The following PTPRM variants were observed in gnomAD, a reference collection of about 807,000 sequenced individuals.
The protein encoded by PTPRM is protein tyrosine phosphatase receptor type M, also known as receptor-type tyrosine-protein phosphatase mu.
Under a neutral mutation model 186.7 loss-of-function variants are expected in PTPRM, and 47 were observed. The observed-to-expected ratio is 0.25, with a 90% CI of 0.20 to 0.32. The LOEUF is 0.32. PTPRM is among the 10% of genes least tolerant of loss of function. The pLI is 1.00. For synonymous variants in PTPRM, 668 were observed against 674.9 expected (o/e 0.99, Z 0.16); for missense variants, 1,494 against 1,865.0 (o/e 0.80, Z 3.66).
intron 23 of PTPRM, among the ~76,000 whole-genome samples, chr18:8,351,126 G>C (rs2095531998): frequency 6.6e-6 from 1 of 152,060 alleles, no homozygotes; most frequent in African/African-American, 2.4e-5. Flanking sequence ...GCTTAACCAG[G>C]GCCCTTCATT....
intron 5 of PTPRM, among the ~76,000 whole-genome samples, chr18:7,927,917 C>A (rs1041707246): frequency 3.3e-5 from 5 of 151,826 alleles, no homozygotes; most frequent in Admixed American, 3.3e-4. Flanking sequence ...ATTATTTTGT[C>A]ATTTTTATAG....
At chr18:7,973,008 A>G (rs1407206252) in intron 7 of PTPRM, among the ~76,000 whole-genome samples, 1 of 152,122 alleles carries the variant, frequency 6.6e-6, no homozygotes, top group Non-Finnish European at 1.5e-5. Flanking sequence ...ACAGCTCTCT[A>G]GTTGTTAGAG....
intron 14 of PTPRM, among the ~76,000 whole-genome samples, chr18:8,203,071 T>A (rs553236467): frequency 6.6e-6 from 1 of 152,354 alleles, no homozygotes; most frequent in South Asian, 2.1e-4. Flanking sequence ...CAAACTGAAT[T>A]ATATTTGTGC....
rs1379518391 is a variant in PTPRM, at chr18:8,319,214, G to T, written c.2956G>T (p.Gly986Trp). 4 of 1,558,474 alleles carry T rather than the reference G, an allele frequency of 2.6e-6. No individual in the cohort carries two copies. The highest frequency in any genetic ancestry group is 3.5e-6 in the Non-Finnish European group (4 of 1,133,942). ...ACCCAATCATTACATTGCTACCCAAGGTAAGTTTATTTCTACTTTGTTGTC... is the reference window on the plus strand; with the variant it reads ...ACCCAATCATTACATTGCTACCCAATGTAAGTTTATTTCTACTTTGTTGTC... ...HRPNHYIATQ[G>W]PMQETIYDFW... is the part of the protein sequence containing the mutation. Residue 986 changes from glycine to tryptophan, a missense_variant and splice_region_variant, in exon 22 of 33, where the codon GGG becomes TGG. Physicochemically the swap from Gly to Trp is radical, Grantham distance 184 (BLOSUM62 -2). This residue lies in a region of PTPRM where 1,107 missense variants were observed against 1,350.2 expected (regional missense o/e 0.82). Coordinates refer to ENST00000580170, the MANE Select transcript of PTPRM (RefSeq NM_001105244.2).
intron 1 of PTPRM, among the ~76,000 whole-genome samples, chr18:7,694,481 C>T (rs547387635): frequency 4.0e-5 from 6 of 148,160 alleles, no homozygotes; most frequent in South Asian, 2.1e-4. Context: ...GGCTGGACTG[C>T]GGTAGTGCGG....
intron 20 of PTPRM, among the ~76,000 whole-genome samples, chr18:8,300,241 C>T (rs1374979889): frequency 1.3e-5 from 2 of 152,072 alleles, no homozygotes; most frequent in Non-Finnish European, 2.9e-5. Flanking sequence ...AGGAAAAGAC[C>T]TCTCAGGCAA....
At chr18:8,252,612 T>C in intron 18 of PTPRM, 113 bp downstream of exon 18, 1 of 1,060,636 alleles carries the variant, frequency 9.4e-7, no homozygotes, top group Non-Finnish European at 1.5e-6. Flanking sequence ...CCTGCATGTT[T>C]GCCTTTGTAG....
At chr18:8,360,906 T>C (rs1308186794) in intron 23 of PTPRM, 1 of 152,218 alleles carries the variant, frequency 6.6e-6, no homozygotes, top group Non-Finnish European at 1.5e-5. Context: ...TCTGATGTTG[T>C]AGAGTAGAGA....
intron 1 of PTPRM, among the ~76,000 whole-genome samples, chr18:7,746,291 T>A (rs1324462053): frequency 6.6e-6 from 1 of 152,038 alleles, no homozygotes; most frequent in Non-Finnish European, 1.5e-5. Flanking sequence ...AGATTTTCAG[T>A]TGATTTCTCA....
intron 7 of PTPRM, among the ~76,000 whole-genome samples, chr18:8,046,509 G>A (rs1600239944): frequency 2.6e-5 from 4 of 152,054 alleles, no homozygotes; most frequent in Admixed American, 6.6e-5. Flanking sequence ...GCACTGTTGC[G>A]TTGATGTTTT....
intron 23 of PTPRM, among the ~76,000 whole-genome samples, chr18:8,362,298 A>G (rs1598437693): frequency 6.6e-6 from 1 of 152,184 alleles, no homozygotes; most frequent in Non-Finnish European, 1.5e-5. Flanking sequence ...AGAGAGCCCC[A>G]TGGTGGTGGC....
chr18:8,276,483 G>A (rs1403870421), intron 19 of PTPRM, among the ~76,000 whole-genome samples: 1 of 152,176 alleles, frequency 6.6e-6, no homozygotes, highest in Non-Finnish European at 1.5e-5. Context: ...CTTCCTCGTG[G>A]TGGTGGGAAG....
At chr18:7,637,554 C>A (rs1165454642) in intron 1 of PTPRM, among the ~76,000 whole-genome samples, 2 of 152,216 alleles carry the variant, frequency 1.3e-5, no homozygotes, top group Non-Finnish European at 2.9e-5. Context: ...GTGTGCCAGG[C>A]AGTGTCTAGT....
intron 7 of PTPRM, among the ~76,000 whole-genome samples, chr18:7,997,636 T>C (rs1233190891): frequency 6.6e-6 from 1 of 152,084 alleles, no homozygotes; most frequent in African/African-American, 2.4e-5. Context: ...ATTGGATAAG[T>C]AGGGATTAAT....
chr18:7,915,676 A>C (rs890391612), intron 4 of PTPRM, among the ~76,000 whole-genome samples: 2 of 152,222 alleles, frequency 1.3e-5, no homozygotes, highest in Non-Finnish European at 2.9e-5. Flanking sequence ...TTTACAAATA[A>C]AAAAATTTTG....
intron 13 of PTPRM, chr18:8,122,137 T>G (rs2092197841): frequency 6.6e-6 from 1 of 152,568 alleles, no homozygotes; most frequent in African/African-American, 2.4e-5. Context: ...AGAACAAAGT[T>G]GAGACAATTT....
At chr18:7,592,537 C>T (rs1488987164) in intron 1 of PTPRM, among the ~76,000 whole-genome samples, 1 of 152,226 alleles carries the variant, frequency 6.6e-6, no homozygotes, top group Admixed American at 6.5e-5. Context: ...AAAATCACTC[C>T]TGTCTCCTGA....
At chr18:7,908,831 C>T (rs538438413) in intron 4 of PTPRM, among the ~76,000 whole-genome samples, 4 of 152,204 alleles carry the variant, frequency 2.6e-5, no homozygotes, top group Non-Finnish European at 5.9e-5. Flanking sequence ...TGGAACTCAG[C>T]CAAATCCTCA....
At chr18:8,393,827 T>C (rs685702) in intron 31 of PTPRM, among the ~76,000 whole-genome samples, 112,385 of 152,010 alleles carry the variant, frequency 0.74, 41,689 homozygotes, top group East Asian at 0.82. Context: ...CTCGCTCTGT[T>C]GCCCAGGCTG....
Sources: gnomAD v4.1 joint callset for allele counts (sites outside exome capture counted in the v4.1 genomes callset) on GRCh38, gnomAD v4.1.1 for gene constraint, gnomAD v4.1.1 regional missense constraint, MANE v1.5 for transcripts, NCBI Gene and HGNC (gene_info 2026-07-23, HGNC 2026-07-21) for gene names.